The following TMEM192 variants were observed in gnomAD, a reference collection of about 807,000 sequenced individuals.
The protein encoded by TMEM192 is transmembrane protein 192.
In TMEM192, 20 loss-of-function variants were observed where a neutral mutation model predicts 26.7. The ratio of observed to expected loss-of-function variants is 0.75; its 90% CI spans 0.53 to 1.09. The LOEUF is 1.09. TMEM192 is among the 50% of genes least tolerant of loss of function. The probability of loss-of-function intolerance (pLI) is 0.00; values close to 1 mark genes in which losing one functional copy is unlikely to be tolerated. For missense variants in TMEM192, 304 were observed against 322.6 expected, an observed-to-expected ratio of 0.94 and a Z score of 0.44; for synonymous variants, 124 against 121.0, an observed-to-expected ratio of 1.02 and a Z score of -0.16.
intron 1 of TMEM192, among the ~76,000 whole-genome samples, chr4:165,105,212 C>T (rs528990131): frequency 1.6e-4 from 25 of 152,328 alleles, no homozygotes; most frequent in Non-Finnish European, 3.2e-4. Context: ...GCACTCAACA[C>T]TATCTCATGG....
intron 1 of TMEM192, among the ~76,000 whole-genome samples, chr4:165,106,935 G>C (rs549309659): frequency 6.6e-6 from 1 of 151,948 alleles, no homozygotes; most frequent in Non-Finnish European, 1.5e-5. Flanking sequence ...ATCCTAATAC[G>C]ATCCCCAAAT....
intron 3 of TMEM192, among the ~76,000 whole-genome samples, chr4:165,088,984 T>C (rs763448126): frequency 3.9e-5 from 5 of 126,902 alleles, no homozygotes; most frequent in Non-Finnish European, 7.7e-5. Flanking sequence ...GAGGCTGCAG[T>C]GAGCTGAGGT....
intron 3 of TMEM192, among the ~76,000 whole-genome samples, chr4:165,091,644 T>TA (rs1734766713): frequency 6.6e-6 from 1 of 152,014 alleles, no homozygotes. Flanking sequence ...AGTTAAAGGA[T>TA]AAAAACAAAA....
intron 4 of TMEM192, among the ~76,000 whole-genome samples, chr4:165,088,018 T>A (rs1008482107): frequency 6.6e-6 from 1 of 152,086 alleles, no homozygotes; most frequent in African/African-American, 2.4e-5. Flanking sequence ...CTAGTGATCC[T>A]CCCACGTCAG....
intron 3 of TMEM192, among the ~76,000 whole-genome samples, chr4:165,098,823 A>T (rs1276175035): frequency 2.0e-5 from 3 of 151,402 alleles, no homozygotes; most frequent in African/African-American, 7.3e-5. Context: ...TCAGCCTCCC[A>T]AGTAGCTGGG....
chr4:165,101,730 A>G (rs1735042535), intron 2 of TMEM192, among the ~76,000 whole-genome samples: 1 of 152,158 alleles, frequency 6.6e-6, no homozygotes, highest in African/African-American at 2.4e-5. Context: ...GTGGAGCCAT[A>G]CCACAGCTAC....
intron 2 of TMEM192, among the ~76,000 whole-genome samples, chr4:165,101,953 G>A (rs1031221207): frequency 2.6e-5 from 4 of 152,148 alleles, no homozygotes; most frequent in African/African-American, 7.2e-5. Context: ...CACAGTCCTC[G>A]TAAATACTCA....
intron 3 of TMEM192, among the ~76,000 whole-genome samples, chr4:165,095,796 A>T (rs897835862): frequency 1.3e-5 from 2 of 151,990 alleles, no homozygotes; most frequent in Admixed American, 1.3e-4. Context: ...TTTTTTAAAA[A>T]TGGAGTCTCA....
In TMEM192 at chr4:165,078,762, T is replaced by G. The variant is rs1447948342; in HGVS notation, c.*896A>C. Reference sequence around the variant, plus strand: ...GTCGGTCTAACACTGGTCCAAGTAATCAATCATCATATCTTATTTCTTTTC... The same window carrying G: ...GTCGGTCTAACACTGGTCCAAGTAAGCAATCATCATATCTTATTTCTTTTC... On this transcript the variant is annotated 3_prime_UTR_variant, in exon 6 of 6. Transcript: ENST00000306480. 2 of 152,288 alleles carry G rather than the reference T, an allele frequency of 1.3e-5. No homozygotes were observed. The highest frequency in any genetic ancestry group is 4.8e-5 in the African/African-American group (2 of 41,460). 9.4% of individuals were successfully genotyped at this position (152,288 alleles called of 1,614,324 possible).
intron 1 of TMEM192, among the ~76,000 whole-genome samples, chr4:165,107,827 C>G (rs1273458934): frequency 6.6e-6 from 1 of 152,222 alleles, no homozygotes; most frequent in East Asian, 1.9e-4. Context: ...CAGCATCATT[C>G]CTACTGCACT....
At chr4:165,100,594 A>G (rs772116945) in intron 3 of TMEM192, 34 bp downstream of exon 3, 1 of 1,590,894 alleles carries the variant, frequency 6.3e-7, no homozygotes, top group East Asian at 2.2e-5. Flanking sequence ...TTGTCCCTCA[A>G]GCACCCAAGT....
rs1424233487 is a variant in TMEM192, at chr4:165,103,087, C to G, written c.37G>C (p.Asp13His). Reference sequence around the variant, plus strand: ...TCGTCTTCAATACTCTGGGTGATATCCAAGGAACCCTGGGGTGCAGAAAAA... The same window carrying G: ...TCGTCTTCAATACTCTGGGTGATATGCAAGGAACCCTGGGGTGCAGAAAAA... ...AGGRMEDGSL[D>H]ITQSIEDDPL... The change falls in exon 2 of 6, where the codon GAT becomes CAT. Residue 13 changes from aspartate (D) to histidine (H), a missense_variant. Transcript: ENST00000306480. The G allele has an allele frequency of 6.2e-7, 1 of 1,608,820 alleles. No individual in the cohort carries two copies. Among genetic ancestry groups the G allele is most frequent in the Non-Finnish European group, 8.5e-7 (1 of 1,177,788 alleles).
intron 3 of TMEM192, among the ~76,000 whole-genome samples, chr4:165,093,245 C>T (rs912271350): frequency 5.9e-5 from 9 of 151,528 alleles, no homozygotes; most frequent in Non-Finnish European, 7.4e-5. Flanking sequence ...TACAGATGCC[C>T]GCCACCATGC....
At chr4:165,099,567 A>G (rs1019492238) in intron 3 of TMEM192, among the ~76,000 whole-genome samples, 3 of 152,118 alleles carry the variant, frequency 2.0e-5, no homozygotes, top group Non-Finnish European at 4.4e-5. Flanking sequence ...TGTTTGATAT[A>G]ATGCATCTCA....
At position 165,085,602 on chromosome 4, in the gene TMEM192, AG is replaced by A; in HGVS notation, c.660del (p.Ser221ArgfsTer11). On this transcript the variant is annotated frameshift_variant, in exon 5 of 6. Transcript: ENST00000306480. LOFTEE classifies it low-confidence loss of function (END_TRUNC). ...EKIYAYPSNI[T>X]SETGFRTISS... Reference sequence around the variant, plus strand: ...AAATCTTACCTGAATCCAGTCTCCGAGGTAATATTGCTGGGGTAAGCATAGA... The same window carrying A: ...AAATCTTACCTGAATCCAGTCTCCGAGTAATATTGCTGGGGTAAGCATAGA... 1.2e-6 allele frequency: 2 copies of A among 1,610,642 alleles called. No homozygotes were observed. The highest frequency in any genetic ancestry group is 1.7e-6 in the Non-Finnish European group (2 of 1,178,608).
chr4:165,088,095 G>A (rs1167414393), intron 4 of TMEM192, among the ~76,000 whole-genome samples: 1 of 152,054 alleles, frequency 6.6e-6, no homozygotes, highest in Non-Finnish European at 1.5e-5. Context: ...ATTTTTTGTA[G>A]AGATGGAGTT....
chr4:165,084,903 A>G (rs933404934), intron 5 of TMEM192, among the ~76,000 whole-genome samples: 1 of 152,082 alleles, frequency 6.6e-6, no homozygotes, highest in Non-Finnish European at 1.5e-5. Flanking sequence ...GCTGTTTGGG[A>G]GGCTGAAATG....
chr4:165,108,112 CTTTTTTTTTTT>C (rs755013001), intron 1 of TMEM192, among the ~76,000 whole-genome samples: 1,049 of 91,226 alleles, frequency 0.011, 26 homozygotes, highest in African/African-American at 0.051. Context: ...TCTGTATTCC[CTTTTTTTTTTT>C]TTTTTTTTTT....
chr4:165,099,880 T>C (rs369794761), intron 3 of TMEM192, among the ~76,000 whole-genome samples: 78 of 152,222 alleles, frequency 5.1e-4, no homozygotes, highest in African/African-American at 1.7e-3. Flanking sequence ...GCCCAGGAAT[T>C]CCAGGCTACA....
Sources: gnomAD v4.1 joint callset for allele counts (sites outside exome capture counted in the v4.1 genomes callset) on GRCh38, gnomAD v4.1.1 for gene constraint, MANE v1.5 for transcripts, NCBI Gene and HGNC (gene_info 2026-07-23, HGNC 2026-07-21) for gene names.